The following UBE4A variants were observed in gnomAD, a reference collection of about 807,000 sequenced individuals.
The protein encoded by UBE4A is ubiquitination factor E4A.
UBE4A carries 48 observed loss-of-function variants against 117.9 expected under a neutral mutation model. That is an observed-to-expected ratio of 0.41 (90% CI 0.32 to 0.52). The LOEUF (loss-of-function observed/expected upper bound fraction) is 0.52. Ranked by LOEUF, UBE4A falls within the 20% of genes least tolerant of loss-of-function variation. The pLI is 0.33. For missense variants in UBE4A, 1,067 were observed against 1,296.3 expected, an observed-to-expected ratio of 0.82 and a Z score of 2.72; for synonymous variants, 407 against 450.0, an observed-to-expected ratio of 0.90 and a Z score of 1.21.
intron 12 of UBE4A, among the ~76,000 whole-genome samples, chr11:118,382,083 A>G (rs1227957193): frequency 1.3e-5 from 2 of 152,190 alleles, no homozygotes; most frequent in African/African-American, 4.8e-5. Flanking sequence ...ATGACCCACA[A>G]TTCCCTGAGC....
At chr11:118,362,452 C>T (rs1948527928) in intron 1 of UBE4A, among the ~76,000 whole-genome samples, 1 of 152,310 alleles carries the variant, frequency 6.6e-6, no homozygotes, top group East Asian at 1.9e-4. Flanking sequence ...GCTTCTCTGT[C>T]ATATGTCCTA....
chr11:118,389,022 G>C (rs1948786689), intron 16 of UBE4A, among the ~76,000 whole-genome samples: 1 of 152,176 alleles, frequency 6.6e-6, no homozygotes, highest in East Asian at 1.9e-4. Flanking sequence ...GGGCACAGTG[G>C]CTCACGCCTG....
intron 10 of UBE4A, 110 bp downstream of exon 10, chr11:118,376,804 T>A (rs1948656532): frequency 7.4e-7 from 1 of 1,343,288 alleles, no homozygotes; most frequent in Admixed American, 2.2e-5. Flanking sequence ...AATCTCAGGA[T>A]TTTGGGAGGC....
chr11:118,395,769 G>C (rs960901887), intron 19 of UBE4A, among the ~76,000 whole-genome samples: 3 of 152,166 alleles, frequency 2.0e-5, no homozygotes, highest in African/African-American at 7.2e-5. Context: ...GCAGTGTTGA[G>C]ACAAAGTTTA....
chr11:118,383,368 C>G (rs1555126655), intron 13 of UBE4A, among the ~76,000 whole-genome samples: 1 of 151,966 alleles, frequency 6.6e-6, no homozygotes, highest in African/African-American at 2.4e-5. Context: ...CCAAAGTAGG[C>G]AGATCACTTG....
rs1311969131 is a variant in UBE4A, at chr11:118,396,559, T to C, written c.*119T>C. 3.8e-6 allele frequency: 5 copies of C among 1,299,550 alleles called. No individual in the cohort carries two copies. In the East Asian group the frequency reaches 8.8e-5, roughly 23 times the overall value. 80.5% of individuals were successfully genotyped at this position (1,299,550 alleles called of 1,614,324 possible). ...TTCTTTTCTTTTTCTTTTTTTTTTT[T>C]TTTTTTACTAAATTAGAGAACTGCT... On this transcript the variant is annotated 3_prime_UTR_variant, in exon 20 of 20. Coordinates refer to ENST00000252108, the MANE Select transcript of UBE4A (RefSeq NM_001204077.2).
rs143322545 is a variant in UBE4A, at chr11:118,389,271, T to A, written c.2588-454T>A. Reference sequence around the variant, plus strand: ...ACTGAGGAATGGATTTTTTATTTTTTATTTTAATAGCCACATATGGCCAGT... The same window carrying A: ...ACTGAGGAATGGATTTTTTATTTTTAATTTTAATAGCCACATATGGCCAGT... On this transcript the variant is annotated intron_variant, in intron 16 of 19. Transcript: ENST00000252108. Among the ~76,000 whole-genome samples the A allele has an allele frequency of 2.9e-3, 449 of 152,364 alleles. 2 individuals carry two copies. Among genetic ancestry groups the A allele is most frequent in the African/African-American group, 0.01 (428 of 41,578 alleles).
rs781833265 is a variant in UBE4A, at chr11:118,379,783, T to G, written c.1876+33T>G. ...GGCTCTCCCTTGGGAATGTCCTGTT[T>G]ATAGCCTTCTGAGTTTAAGTGGGTC... is the stretch of plus-strand genomic sequence containing the variant. On this transcript the variant is annotated intron_variant, in intron 11 of 19. Transcript: ENST00000252108. 16 of 1,580,834 alleles carry G rather than the reference T, an allele frequency of 1.0e-5. No homozygotes were observed. The South Asian group carries it at 1.7e-4, about 17-fold the overall frequency.
intron 16 of UBE4A, among the ~76,000 whole-genome samples, chr11:118,387,197 C>T (rs1948767519): frequency 6.6e-6 from 1 of 152,050 alleles, no homozygotes; most frequent in Admixed American, 6.6e-5. Flanking sequence ...AATCACCAGA[C>T]ATTTGAGGAA....
At chr11:118,376,466 T>C (rs1948653315) in intron 9 of UBE4A, 108 bp from the exon 10 acceptor site, 1 of 1,413,596 alleles carries the variant, frequency 7.1e-7, no homozygotes, top group African/African-American at 1.4e-5. Context: ...TATGACAAGA[T>C]ATGTTTTTAA....
rs1555129791 is a variant in UBE4A, at chr11:118,396,512, C to G, written c.*72C>G. On this transcript the variant is annotated 3_prime_UTR_variant, in exon 20 of 20. Transcript: ENST00000252108. ...ACAATTGTTTGTGGTTTCTCTCTTT[C>G]TGGTTCTGTTCCTTTTCTTTCTTCT... 6.8e-7 allele frequency: 1 copy of G among 1,466,776 alleles called. No homozygotes were observed. Among genetic ancestry groups the G allele is most frequent in the East Asian group, 2.7e-5 (1 of 37,198 alleles). The allele number at this position is 1,466,776 out of a possible 1,614,324, so 90.9% of individuals were successfully genotyped here. A position where few individuals can be genotyped will look rare whatever the true frequency, so the allele number is the denominator to read the frequency against.
chr11:118,393,288 G>A (rs925061208), intron 19 of UBE4A, among the ~76,000 whole-genome samples: 5 of 151,980 alleles, frequency 3.3e-5, no homozygotes, highest in South Asian at 2.1e-4. Flanking sequence ...ATGGTGGTGC[G>A]CACATGTAGT....
chr11:118,373,040 T>C, intron 6 of UBE4A, 46 bp from the exon 7 acceptor site: 2 of 1,542,294 alleles, frequency 1.3e-6, no homozygotes, highest in South Asian at 2.3e-5. Context: ...TAAAGGCATA[T>C]AAAAATTCTT....
In UBE4A at chr11:118,365,211, G is replaced by A; in HGVS notation, c.121+10G>A. ...CTGAAGCAACAATCTGGTAAGTGGA[G>A]GAGCCAATAGCAGCAAATAAGATGA... On this transcript the variant is annotated intron_variant, in intron 2 of 19. Coordinates refer to ENST00000252108, the MANE Select transcript of UBE4A (RefSeq NM_001204077.2). 4.4e-6 allele frequency: 7 copies of A among 1,591,268 alleles called. No individual in the cohort carries two copies. Among genetic ancestry groups the A allele is most frequent in the Admixed American group, 3.6e-5 (2 of 56,190 alleles).
chr11:118,393,574 C>T (rs550363282), intron 19 of UBE4A, among the ~76,000 whole-genome samples: 24 of 149,876 alleles, frequency 1.6e-4, no homozygotes, highest in African/African-American at 2.7e-4. Context: ...ACTGGGATTA[C>T]GGGTGTGAGC....
chr11:118,392,869 A>C lies in UBE4A; in HGVS notation c.3048A>C (p.Arg1016Ser). 6.2e-7 allele frequency: 1 copy of C among 1,614,104 alleles called. No individual in the cohort carries two copies. The highest frequency in any genetic ancestry group is 8.5e-7 in the Non-Finnish European group (1 of 1,180,014). Residue 1016 changes from arginine to serine, a missense_variant, in exon 19 of 20, where the codon AGA becomes AGC. By Grantham distance (110) the Arg-to-Ser change is moderately radical (BLOSUM62 -1). This residue lies in a region of UBE4A where 34 missense variants were observed against 77.7 expected (regional missense o/e 0.44). Transcript: ENST00000252108. Reference protein sequence around the residue: ...VLPSSRVTVDRSTIARHLLSD... With the variant: ...VLPSSRVTVDSSTIARHLLSD... ...CATCTTCCAGAGTCACTGTGGATAGATCCACCATTGCAAGACATTTGCTCA... is the reference window on the plus strand; with the variant it reads ...CATCTTCCAGAGTCACTGTGGATAGCTCCACCATTGCAAGACATTTGCTCA...
Position 118,375,301 on chromosome 11 carries a change from T to C in UBE4A, c.1450+72T>C, listed in dbSNP as rs1474275158. On this transcript the variant is annotated intron_variant, in intron 9 of 19. Transcript: ENST00000252108. ...AACGTGTAAAGCATTCACTCCCTTATCCTTTTTCACAGAGTTCCTTTCTCA... is the reference window on the plus strand; with the variant it reads ...AACGTGTAAAGCATTCACTCCCTTACCCTTTTTCACAGAGTTCCTTTCTCA... The C allele has an allele frequency of 3.0e-6, 4 of 1,345,304 alleles. No individual in the cohort carries two copies. The African/African-American group carries it at 6.0e-5, about 20-fold the overall frequency. The allele number at this position is 1,345,304 out of a possible 1,614,324, so 83.3% of individuals were successfully genotyped here.
chr11:118,384,903 G>T lies in UBE4A; in HGVS notation c.2370G>T (p.Leu790=), dbSNP rs1464240354. Residue 790 remains leucine (L), a synonymous_variant, in exon 15 of 20, where the codon CTG becomes CTT. Transcript: ENST00000252108. ...NPPLFLRFLN[L]LMNDAIFLLD... is the part of the protein sequence containing the mutation. Reference sequence around the variant, plus strand: ...CACTTTTCCTCCGCTTTCTTAACCTGCTAATGAATGATGCCATCTTCCTTT... The same window carrying T: ...CACTTTTCCTCCGCTTTCTTAACCTTCTAATGAATGATGCCATCTTCCTTT... 2 of 1,604,794 alleles carry T rather than the reference G, an allele frequency of 1.2e-6. No individual in the cohort carries two copies. Among genetic ancestry groups the T allele is most frequent in the African/African-American group, 2.8e-5 (2 of 72,234 alleles).
intron 9 of UBE4A, among the ~76,000 whole-genome samples, chr11:118,375,930 G>A (rs1345365702): frequency 6.6e-6 from 1 of 152,204 alleles, no homozygotes; most frequent in Non-Finnish European, 1.5e-5. Flanking sequence ...GAAGTTGGAG[G>A]TCTTCATAGC....
Sources: gnomAD v4.1 joint callset for allele counts (sites outside exome capture counted in the v4.1 genomes callset) on GRCh38, gnomAD v4.1.1 for gene constraint, gnomAD v4.1.1 regional missense constraint, MANE v1.5 for transcripts, NCBI Gene and HGNC (gene_info 2026-07-23, HGNC 2026-07-21) for gene names.